Variants in ARHGAP10 observed in about 807,000 individuals in gnomAD.
The protein encoded by ARHGAP10 is rho GTPase-activating protein 10.
In ARHGAP10, 87 loss-of-function variants were observed where a neutral mutation model predicts 108.6. That is an observed-to-expected ratio of 0.80 (90% CI 0.67 to 0.96). ARHGAP10 has a LOEUF of 0.96. Ranked by LOEUF, ARHGAP10 falls within the 40% of genes least tolerant of loss-of-function variation. The pLI, the probability that ARHGAP10 is intolerant of heterozygous loss-of-function variation, is 0.00. For synonymous variants in ARHGAP10, 347 were observed against 341.1 expected (o/e 1.02, Z -0.19); for missense variants, 939 against 954.5 (o/e 0.98, Z 0.21).
At chr4:148,037,915 T>C (rs1326082681) in intron 19 of ARHGAP10, among the ~76,000 whole-genome samples, 1 of 151,990 alleles carries the variant, frequency 6.6e-6, no homozygotes, top group Non-Finnish European at 1.5e-5. Flanking sequence ...GTTGGTTCCA[T>C]CTCATATGCT....
chr4:147,786,900 A>T (rs1730912689), intron 1 of ARHGAP10, among the ~76,000 whole-genome samples: 1 of 152,210 alleles, frequency 6.6e-6, no homozygotes, highest in Non-Finnish European at 1.5e-5. Flanking sequence ...CTCTTGTGAC[A>T]GTGGCCTTCT....
intron 3 of ARHGAP10, among the ~76,000 whole-genome samples, chr4:147,834,410 A>G (rs1733080372): frequency 6.6e-6 from 1 of 152,164 alleles, no homozygotes; most frequent in Non-Finnish European, 1.5e-5. Context: ...TTGAGGCTGC[A>G]GAGAGCTATT....
In ARHGAP10 at chr4:148,046,857, ATTTG is replaced by A. The variant is rs373185356; in HGVS notation, c.1868-30_1868-27del. 318 of 1,587,312 alleles carry A rather than the reference ATTTG, an allele frequency of 2.0e-4. 2 individuals carry two copies. The East Asian group carries it at 5.7e-3, about 28-fold the overall frequency. On this transcript the variant is annotated intron_variant, in intron 19 of 22. Transcript: ENST00000336498. ...TAGTGGAGTTTTTTCTTCTCCAGGT[ATTTG>A]TTTGATATTCAATGCTTTTTTTCCT...
chr4:147,979,363 T>C (rs975672308), intron 18 of ARHGAP10, among the ~76,000 whole-genome samples: 11 of 152,194 alleles, frequency 7.2e-5, no homozygotes, highest in African/African-American at 2.4e-5. Flanking sequence ...TGGTTGTAGG[T>C]GTACGGCTTT....
chr4:147,952,024 A>G (rs1165117491), intron 15 of ARHGAP10, among the ~76,000 whole-genome samples: 2 of 152,172 alleles, frequency 1.3e-5, no homozygotes, highest in African/African-American at 2.4e-5. Context: ...TATATAGTAT[A>G]TACTTGAAGT....
At chr4:147,963,866 G>A (rs932496689) in intron 16 of ARHGAP10, among the ~76,000 whole-genome samples, 3 of 152,178 alleles carry the variant, frequency 2.0e-5, no homozygotes, top group Non-Finnish European at 2.9e-5. Flanking sequence ...GACAACCTCC[G>A]CTGTGCTGCC....
chr4:147,939,278 A>G (rs764577504), intron 13 of ARHGAP10, among the ~76,000 whole-genome samples: 7 of 152,122 alleles, frequency 4.6e-5, no homozygotes, highest in Non-Finnish European at 7.4e-5. Context: ...GATTTGGTTC[A>G]TTTTGCAGTA....
chr4:147,899,857 A>C (rs374007664), intron 10 of ARHGAP10, among the ~76,000 whole-genome samples: 9 of 146,998 alleles, frequency 6.1e-5, no homozygotes, highest in African/African-American at 2.2e-4. Flanking sequence ...AATGTAGGGC[A>C]GAACTTGTTA....
intron 13 of ARHGAP10, among the ~76,000 whole-genome samples, chr4:147,933,173 TA>T (rs1436512352): frequency 6.6e-6 from 1 of 152,236 alleles, no homozygotes; most frequent in Admixed American, 6.5e-5. Flanking sequence ...TGGTGCCTTA[TA>T]TTGCCTGTTA....
At chr4:148,013,959 ATCT>A (rs1398079976) in intron 18 of ARHGAP10, among the ~76,000 whole-genome samples, 1 of 152,030 alleles carries the variant, frequency 6.6e-6, no homozygotes, top group Non-Finnish European at 1.5e-5. Context: ...CTACTTTTTG[ATCT>A]TCTGTGCTGC....
At chr4:147,736,058 T>TAC (rs947193863) in intron 1 of ARHGAP10, among the ~76,000 whole-genome samples, 2 of 152,146 alleles carry the variant, frequency 1.3e-5, no homozygotes, top group African/African-American at 4.8e-5. Context: ...TAACAGTCCT[T>TAC]ACAGTTATTA....
At chr4:147,972,453 C>T (rs1368335994) in intron 18 of ARHGAP10, among the ~76,000 whole-genome samples, 1 of 152,126 alleles carries the variant, frequency 6.6e-6, no homozygotes, top group Non-Finnish European at 1.5e-5. Context: ...TTAACTTGCT[C>T]ATGAGCACAC....
chr4:148,020,602 C>T (rs868580431), intron 18 of ARHGAP10, among the ~76,000 whole-genome samples: 6 of 151,824 alleles, frequency 4.0e-5, no homozygotes, highest in African/African-American at 1.5e-4. Flanking sequence ...CAGCTCCAAC[C>T]ATGTCCCTGC....
intron 1 of ARHGAP10, among the ~76,000 whole-genome samples, chr4:147,768,794 A>G (rs182652685): frequency 1.6e-4 from 23 of 148,320 alleles, no homozygotes; most frequent in Non-Finnish European, 3.1e-4. Context: ...ACTGGAGTGC[A>G]GTGGTGCCAT....
In ARHGAP10 at chr4:147,870,928, CTGTGTGTGTGTGTGTGTGTG is replaced by C. The variant is rs57348496; in HGVS notation, c.703-4065_703-4046del. On this transcript the variant is annotated intron_variant, in intron 7 of 22. Coordinates refer to ENST00000336498, the MANE Select transcript of ARHGAP10 (RefSeq NM_024605.4). Reference sequence around the variant, plus strand: ...GAAAGTAGAATACCAAAACTACAGACTGTGTGTGTGTGTGTGTGTGTGTGTGTGTGTGTGTGTGTGTGTGT... The same window carrying C: ...GAAAGTAGAATACCAAAACTACAGACTGTGTGTGTGTGTGTGTGTGTGTGT... 1.3e-3 allele frequency among the ~76,000 whole-genome samples: 185 copies of C among 139,154 alleles called. 1 individual carries two copies. The highest frequency in any genetic ancestry group is 4.2e-3 in the African/African-American group (161 of 38,248). The allele number at this position is 139,154 out of a possible 152,430, so 91.3% of individuals were successfully genotyped here.
At chr4:148,066,420 A>G (rs867468882) in intron 22 of ARHGAP10, among the ~76,000 whole-genome samples, 2 of 152,220 alleles carry the variant, frequency 1.3e-5, no homozygotes, top group South Asian at 4.1e-4. Flanking sequence ...GTCAGTGCCT[A>G]AAGCCAATGC....
chr4:147,935,076 A>T (rs1737871255), intron 13 of ARHGAP10, among the ~76,000 whole-genome samples: 1 of 152,202 alleles, frequency 6.6e-6, no homozygotes, highest in South Asian at 2.1e-4. Flanking sequence ...GGGGAAGAGC[A>T]TTCCTGCTGG....
intron 1 of ARHGAP10, among the ~76,000 whole-genome samples, chr4:147,768,604 A>G (rs1560747903): frequency 6.6e-6 from 1 of 152,328 alleles, no homozygotes; most frequent in East Asian, 1.9e-4. Context: ...TTCATTTTTC[A>G]AAACCATAAT....
At chr4:147,994,285 C>T (rs1013519248) in intron 18 of ARHGAP10, among the ~76,000 whole-genome samples, 9 of 152,180 alleles carry the variant, frequency 5.9e-5, no homozygotes, top group African/African-American at 2.2e-4. Flanking sequence ...GAAAGGAAAT[C>T]CCTGTATTTG....
Sources: gnomAD v4.1 joint callset for allele counts (sites outside exome capture counted in the v4.1 genomes callset) on GRCh38, gnomAD v4.1.1 for gene constraint, MANE v1.5 for transcripts, NCBI Gene and HGNC (gene_info 2026-07-23, HGNC 2026-07-21) for gene names.